Variants in ZDHHC20 observed in about 807,000 individuals in gnomAD.
The protein encoded by ZDHHC20 is zDHHC palmitoyltransferase 20, also known as palmitoyltransferase ZDHHC20.
A neutral mutation model predicts 57.8 loss-of-function variants in ZDHHC20; 43 were observed. The observed-to-expected ratio is 0.74, with a 90% CI of 0.58 to 0.96. The LOEUF (loss-of-function observed/expected upper bound fraction) is 0.96. Among genes scored for constraint, ZDHHC20 ranks in the 40% least tolerant of loss-of-function variants. The probability of loss-of-function intolerance (pLI) is 0.00; values close to 1 mark genes in which losing one functional copy is unlikely to be tolerated. For missense variants in ZDHHC20, 391 were observed against 441.1 expected, an observed-to-expected ratio of 0.89 and a Z score of 1.02; for synonymous variants, 157 against 153.0, an observed-to-expected ratio of 1.03 and a Z score of -0.19.
chr13:21,455,376 T>C (rs1884826620), intron 1 of ZDHHC20, among the ~76,000 whole-genome samples: 1 of 152,174 alleles, frequency 6.6e-6, no homozygotes, highest in Non-Finnish European at 1.5e-5. Context: ...TGATAAAACC[T>C]TGGGAACCAG....
chr13:21,419,655 A>T (rs2137898634), intron 3 of ZDHHC20, among the ~76,000 whole-genome samples: 1 of 152,370 alleles, frequency 6.6e-6, no homozygotes, highest in African/African-American at 2.4e-5. Flanking sequence ...CTCCATTTAT[A>T]TTTAATACAA....
chr13:21,431,634 C>T (rs1881971332), intron 1 of ZDHHC20, among the ~76,000 whole-genome samples: 2 of 152,236 alleles, frequency 1.3e-5, no homozygotes, highest in Non-Finnish European at 2.9e-5. Context: ...GCTCCACATC[C>T]TCACCAATAC....
chr13:21,427,871 C>T (rs1457592577), intron 1 of ZDHHC20, among the ~76,000 whole-genome samples: 1 of 149,590 alleles, frequency 6.7e-6, no homozygotes, highest in Non-Finnish European at 1.5e-5. Flanking sequence ...CCAACAATGG[C>T]TAGAATCACT....
chr13:21,456,795 A>T (rs775328492), intron 1 of ZDHHC20, among the ~76,000 whole-genome samples: 48 of 152,230 alleles, frequency 3.2e-4, no homozygotes, highest in Non-Finnish European at 6.5e-4. Flanking sequence ...ATTGTAGGGT[A>T]TAATCTCTAC....
At chr13:21,441,087 A>AT (rs1386178700) in intron 1 of ZDHHC20, among the ~76,000 whole-genome samples, 1 of 152,022 alleles carries the variant, frequency 6.6e-6, no homozygotes, top group Middle Eastern at 3.2e-3. Context: ...ATTCTTTCTT[A>AT]TTTTTCCATA....
At chr13:21,381,163 C>T (rs1873332066) in intron 11 of ZDHHC20, among the ~76,000 whole-genome samples, 4 of 151,922 alleles carry the variant, frequency 2.6e-5, no homozygotes, top group South Asian at 2.1e-4. Flanking sequence ...CCCGCCACCA[C>T]GCCCGGCTAA....
chr13:21,424,196 A>ATGTGAT (rs1880990319), intron 2 of ZDHHC20, among the ~76,000 whole-genome samples: 1 of 152,250 alleles, frequency 6.6e-6, no homozygotes, highest in Admixed American at 6.5e-5. Context: ...ATTCAAATTA[A>ATGTGAT]TGTGATTATC....
chr13:21,439,284 G>C (rs1396587991), intron 1 of ZDHHC20, among the ~76,000 whole-genome samples: 1 of 152,160 alleles, frequency 6.6e-6, no homozygotes, highest in Non-Finnish European at 1.5e-5. Flanking sequence ...AGGATCGCTT[G>C]AGCCCAGGAA....
intron 1 of ZDHHC20, among the ~76,000 whole-genome samples, chr13:21,439,195 G>C (rs1882871149): frequency 6.6e-6 from 1 of 152,112 alleles, no homozygotes. Flanking sequence ...CCTAAATTGA[G>C]GAACATTTAC....
At chr13:21,411,728 G>A (rs2137852681) in intron 4 of ZDHHC20, among the ~76,000 whole-genome samples, 1 of 152,328 alleles carries the variant, frequency 6.6e-6, no homozygotes, top group African/African-American at 2.4e-5. Context: ...TTCTAGGGTA[G>A]CTAGAAGAAT....
At position 21,387,651 on chromosome 13, in the gene ZDHHC20, CA is replaced by C. The variant is rs1465236954; in HGVS notation, c.728-18del. On this transcript the variant is annotated intron_variant, in intron 8 of 12. Coordinates refer to ENST00000400590, the MANE Select transcript of ZDHHC20 (RefSeq NM_001330059.2). Reference sequence around the variant, plus strand: ...GGAATGATTCTGTTAAATATACATACATATATAAACTAATTAATCTATTTAA... The same window carrying C: ...GGAATGATTCTGTTAAATATACATACTATATAAACTAATTAATCTATTTAA... 7.4e-7 allele frequency: 1 copy of C among 1,342,664 alleles called. No individual in the cohort carries two copies. The highest frequency in any genetic ancestry group is 9.6e-7 in the Non-Finnish European group (1 of 1,036,964). 83.2% of individuals were successfully genotyped at this position (1,342,664 alleles called of 1,614,324 possible).
intron 1 of ZDHHC20, among the ~76,000 whole-genome samples, chr13:21,444,461 C>T (rs1489422837): frequency 6.6e-6 from 1 of 152,072 alleles, no homozygotes; most frequent in East Asian, 1.9e-4. Flanking sequence ...CAGATTATGT[C>T]TCATACTTTG....
rs376404739 is a variant in ZDHHC20, at chr13:21,459,039, G to A, written c.118+15C>T. 67 of 1,575,322 alleles carry A rather than the reference G, an allele frequency of 4.3e-5. No individual in the cohort carries two copies. Among genetic ancestry groups the A allele is most frequent in the Non-Finnish European group, 5.5e-5 (64 of 1,160,458 alleles). ...CGGCCCGCGCCCCGCCGCAGTCCCC[G>A]GGGACGGTACTCACACACGCAGAGC... On this transcript the variant is annotated intron_variant, in intron 1 of 12. Coordinates refer to ENST00000400590, the MANE Select transcript of ZDHHC20 (RefSeq NM_001330059.2).
chr13:21,442,672 T>C (rs902554396), intron 1 of ZDHHC20, among the ~76,000 whole-genome samples: 2 of 151,990 alleles, frequency 1.3e-5, no homozygotes, highest in African/African-American at 4.8e-5. Flanking sequence ...CAAGAATTGC[T>C]TGAACCCGGG....
At chr13:21,437,717 A>C (rs1882698977) in intron 1 of ZDHHC20, among the ~76,000 whole-genome samples, 1 of 150,290 alleles carries the variant, frequency 6.7e-6, no homozygotes. Context: ...TTTGAGATGG[A>C]GTCTCACACT....
At chr13:21,425,418 G>A (rs1292428204) in intron 2 of ZDHHC20, among the ~76,000 whole-genome samples, 1 of 151,976 alleles carries the variant, frequency 6.6e-6, no homozygotes, top group African/African-American at 2.4e-5. Flanking sequence ...ACTAGGTGTT[G>A]TACAAAATAA....
intron 4 of ZDHHC20, among the ~76,000 whole-genome samples, chr13:21,413,217 T>TATTA (rs1879470463): frequency 6.6e-6 from 1 of 152,124 alleles, no homozygotes. Context: ...ACTCTCAGAA[T>TATTA]ATTAGCCTTA....
intron 2 of ZDHHC20, among the ~76,000 whole-genome samples, chr13:21,422,691 A>C (rs1294856601): frequency 3.9e-5 from 6 of 152,168 alleles, no homozygotes; most frequent in Non-Finnish European, 2.9e-5. Flanking sequence ...GCCAGTGCAT[A>C]CTTCATAAAT....
chr13:21,406,558 C>T (rs9580104), intron 4 of ZDHHC20, among the ~76,000 whole-genome samples: 1 of 151,664 alleles, frequency 6.6e-6, no homozygotes, highest in Admixed American at 6.6e-5. Context: ...CGACAGGCCC[C>T]AGTGTGTGAT....
Sources: gnomAD v4.1 joint callset for allele counts (sites outside exome capture counted in the v4.1 genomes callset) on GRCh38, gnomAD v4.1.1 for gene constraint, MANE v1.5 for transcripts, NCBI Gene and HGNC (gene_info 2026-07-23, HGNC 2026-07-21) for gene names.